Variants in PRAG1 observed in about 807,000 individuals in gnomAD.
The protein encoded by PRAG1 is PEAK1 related, kinase-activating pseudokinase 1.
A neutral mutation model predicts 95.6 loss-of-function variants in PRAG1; 110 were observed. The ratio of observed to expected loss-of-function variants is 1.15; its 90% confidence interval spans 0.99 to 1.35. PRAG1 has a LOEUF of 1.35. PRAG1 is among the 40% of genes most tolerant of loss of function. The pLI, the probability that PRAG1 is intolerant of heterozygous loss-of-function variation, is 0.00. For synonymous variants in PRAG1, 1,052 were observed against 819.4 expected (o/e 1.28, Z -4.85); for missense variants, 2,554 against 1,864.7 (o/e 1.37, Z -6.81).
intron 3 of PRAG1, among the ~76,000 whole-genome samples, chr8:8,366,761 C>T (rs551364516): frequency 6.6e-6 from 1 of 152,176 alleles, no homozygotes; most frequent in East Asian, 1.9e-4. Flanking sequence ...TGACTGCAGC[C>T]TTGACCTCCT....
intron 3 of PRAG1, among the ~76,000 whole-genome samples, chr8:8,369,626 C>G (rs1182447237): frequency 6.6e-6 from 1 of 152,030 alleles, no homozygotes; most frequent in Non-Finnish European, 1.5e-5. Context: ...TGAGCTCAAC[C>G]TTAGGAATTG....
At chr8:8,332,213 G>A (rs1260428842) in intron 4 of PRAG1, among the ~76,000 whole-genome samples, 3 of 150,908 alleles carry the variant, frequency 2.0e-5, no homozygotes, top group African/African-American at 7.3e-5. Context: ...CCAGGCTGGA[G>A]TGTAATGGTG....
intron 5 of PRAG1, among the ~76,000 whole-genome samples, chr8:8,319,718 A>T (rs1191558349): frequency 6.6e-6 from 1 of 152,212 alleles, no homozygotes; most frequent in Non-Finnish European, 1.5e-5. Flanking sequence ...CAGCCCAATT[A>T]AAAAAGGATA....
At chr8:8,340,477 C>T (rs1200833546) in intron 3 of PRAG1, among the ~76,000 whole-genome samples, 1 of 152,246 alleles carries the variant, frequency 6.6e-6, no homozygotes, top group East Asian at 1.9e-4. Context: ...CCAGGTCCAG[C>T]TCTTCCCCTG....
In PRAG1 at chr8:8,319,305, G is replaced by A; in HGVS notation, c.3073-3C>T. Reference sequence around the variant, plus strand: ...TTGGGCTCAGGGGCTTTGCAGATCTGTGGAGAGAAGAAGAAGTGAAATCAA... The same window carrying A: ...TTGGGCTCAGGGGCTTTGCAGATCTATGGAGAGAAGAAGAAGTGAAATCAA... On this transcript the variant is annotated splice_region_variant and splice_polypyrimidine_tract_variant and intron_variant, in intron 5 of 5. Coordinates refer to ENST00000615670, the MANE Select transcript of PRAG1 (RefSeq NM_001080826.3). 6.7e-7 allele frequency: 1 copy of A among 1,501,874 alleles called. No individual in the cohort carries two copies. Among genetic ancestry groups the A allele is most frequent in the East Asian group, 2.3e-5 (1 of 42,830 alleles). The allele number at this position is 1,501,874 out of a possible 1,614,324, so 93.0% of individuals were successfully genotyped here.
At position 8,381,402 on chromosome 8, in the gene PRAG1, T is replaced by G. The variant is rs776677990; in HGVS notation, c.330+16A>C. ...GCAGCCCCTGTAAAAATACCACGAG[T>G]GTTAGTCAGCCTCACCTGCGAGACT... On this transcript the variant is annotated intron_variant, in intron 2 of 5. Coordinates refer to ENST00000615670, the MANE Select transcript of PRAG1 (RefSeq NM_001080826.3). 6.3e-6 allele frequency: 10 copies of G among 1,591,666 alleles called. No individual in the cohort carries two copies. Among genetic ancestry groups the G allele is most frequent in the Non-Finnish European group, 8.6e-7 (1 of 1,164,210 alleles).
chr8:8,336,570 A>G (rs62496025), intron 4 of PRAG1, among the ~76,000 whole-genome samples: 290 of 152,356 alleles, frequency 1.9e-3, no homozygotes, highest in South Asian at 3.5e-3. Context: ...AAGTATAAAG[A>G]GGTGAAATTA....
chr8:8,319,675 A>T (rs896780046), intron 5 of PRAG1, among the ~76,000 whole-genome samples: 1 of 152,212 alleles, frequency 6.6e-6, no homozygotes, highest in Non-Finnish European at 1.5e-5. Context: ...AATTTGTATT[A>T]AAAAACACTC....
At chr8:8,374,009 G>C (rs937739453) in intron 3 of PRAG1, among the ~76,000 whole-genome samples, 1 of 152,214 alleles carries the variant, frequency 6.6e-6, no homozygotes, top group African/African-American at 2.4e-5. Flanking sequence ...CCAAGGCTCA[G>C]AGTGGCGTTC....
At chr8:8,341,920 G>T (rs1457932517) in intron 3 of PRAG1, among the ~76,000 whole-genome samples, 4 of 152,204 alleles carry the variant, frequency 2.6e-5, no homozygotes, top group Middle Eastern at 3.4e-3. Context: ...ATCACTTGAG[G>T]TAGGGAGTTC....
At chr8:8,346,270 C>G (rs796635020) in intron 3 of PRAG1, among the ~76,000 whole-genome samples, 2 of 152,366 alleles carry the variant, frequency 1.3e-5, no homozygotes, top group African/African-American at 4.8e-5. Flanking sequence ...TCTTTTCTGT[C>G]TGTTTGGTGA....
intron 1 of PRAG1, 99 bp from the exon 2 acceptor site, chr8:8,381,933 A>C: frequency 7.4e-6 from 4 of 542,802 alleles, no homozygotes; most frequent in Non-Finnish European, 1.3e-5. Flanking sequence ...GAGAAGGAGG[A>C]GAAAAAGGTA....
chr8:8,358,520 C>G (rs1799750590), intron 3 of PRAG1, among the ~76,000 whole-genome samples: 1 of 152,172 alleles, frequency 6.6e-6, no homozygotes, highest in African/African-American at 2.4e-5. Context: ...GACCAACTCC[C>G]CTACTGAAGT....
In PRAG1 at chr8:8,317,773, T is replaced by C. The variant is rs146856540; in HGVS notation, c.*381A>G. On this transcript the variant is annotated 3_prime_UTR_variant, in exon 6 of 6. Coordinates refer to ENST00000615670, the MANE Select transcript of PRAG1 (RefSeq NM_001080826.3). ...CAAAAAAAATTTTAATGGAATTTTC[T>C]TCTTTTTTTTTTTTCTTTAAATAAC... 7.3e-3 allele frequency: 1,140 copies of C among 155,846 alleles called. 11 individuals are homozygous for C. The highest frequency in any genetic ancestry group is 0.026 in the African/African-American group (1,098 of 41,542). The allele number at this position is 155,846 out of a possible 1,614,324, so 9.7% of individuals were successfully genotyped here.
chr8:8,381,668 G>T lies in PRAG1; in HGVS notation c.80C>A (p.Pro27His). Residue 27 changes from proline (P) to histidine (H), a missense_variant, in exon 2 of 6, where the codon CCC becomes CAC. Pro to His is a moderately conservative substitution (Grantham distance 77). Coordinates refer to ENST00000615670, the MANE Select transcript of PRAG1 (RefSeq NM_001080826.3). Reference protein sequence around the residue: ...CSDFVEHIWKPGSCKNCFCLR... With the variant: ...CSDFVEHIWKHGSCKNCFCLR... ...GCAGAAGCAGTTCTTGCAGGACCCGGGTTTCCAGATGTGCTCCACAAAGTC... is the reference window on the plus strand; with the variant it reads ...GCAGAAGCAGTTCTTGCAGGACCCGTGTTTCCAGATGTGCTCCACAAAGTC... 6.2e-7 allele frequency: 1 copy of T among 1,613,780 alleles called. No homozygotes were observed. Among genetic ancestry groups the T allele is most frequent in the Non-Finnish European group, 8.5e-7 (1 of 1,179,786 alleles).
chr8:8,322,718 G>A (rs969007921), intron 5 of PRAG1, among the ~76,000 whole-genome samples: 1 of 152,004 alleles, frequency 6.6e-6, no homozygotes, highest in African/African-American at 2.4e-5. Flanking sequence ...ATAAAGTCTT[G>A]GTCTCCATAA....
intron 3 of PRAG1, among the ~76,000 whole-genome samples, chr8:8,355,770 T>C (rs890666903): frequency 4.9e-5 from 6 of 122,092 alleles, no homozygotes; most frequent in African/African-American, 1.8e-4. Context: ...TACACAAACA[T>C]AAACTCAAAA....
chr8:8,348,287 G>A (rs889039241), intron 3 of PRAG1, among the ~76,000 whole-genome samples: 2 of 152,136 alleles, frequency 1.3e-5, no homozygotes, highest in South Asian at 2.1e-4. Context: ...TAAAATGGAC[G>A]ATCCTGAAAG....
chr8:8,327,309 C>T (rs1465453442), intron 5 of PRAG1, among the ~76,000 whole-genome samples: 1 of 152,152 alleles, frequency 6.6e-6, no homozygotes, highest in Non-Finnish European at 1.5e-5. Flanking sequence ...GTGGCTCACA[C>T]CTGTAATCCC....
Sources: allele counts gnomAD v4.1 joint callset (sites outside exome capture counted in the v4.1 genomes callset), GRCh38; gene constraint gnomAD v4.1.1; transcripts MANE v1.5; gene names NCBI Gene and HGNC (gene_info 2026-07-23, HGNC 2026-07-21).